Variants in NRG3 observed in about 807,000 individuals in gnomAD.
NRG3 encodes neuregulin 3.
Under a neutral mutation model 66.9 loss-of-function variants are expected in NRG3, and 31 were observed. The observed-to-expected ratio is 0.46, with a 90% CI of 0.35 to 0.63. NRG3 has a LOEUF of 0.63. Among genes scored for constraint, NRG3 ranks in the 20% least tolerant of loss-of-function variants. The pLI is 0.00. For synonymous variants in NRG3, 393 were observed against 359.4 expected, an observed-to-expected ratio of 1.09 and a Z score of -1.06; for missense variants, 910 against 878.9, an observed-to-expected ratio of 1.04 and a Z score of -0.45.
At chr10:82,749,974 T>A (rs915450205) in intron 3 of NRG3, among the ~76,000 whole-genome samples, 1 of 152,174 alleles carries the variant, frequency 6.6e-6, no homozygotes, top group Non-Finnish European at 1.5e-5. Context: ...TAAATTTCAA[T>A]CACATCTAAT....
intron 4 of NRG3, among the ~76,000 whole-genome samples, chr10:82,950,976 A>T (rs1326186744): frequency 6.6e-6 from 1 of 151,700 alleles, no homozygotes; most frequent in Non-Finnish European, 1.5e-5. Context: ...TTTTTTCTTC[A>T]TGAGTGATGT....
At chr10:82,637,528 T>C (rs1206787408) in intron 2 of NRG3, among the ~76,000 whole-genome samples, 1 of 152,152 alleles carries the variant, frequency 6.6e-6, no homozygotes, top group Non-Finnish European at 1.5e-5. Context: ...TCAAGTCCCA[T>C]AGGATATAAT....
chr10:82,013,271 A>G (rs2061652010), intron 1 of NRG3, among the ~76,000 whole-genome samples: 1 of 152,126 alleles, frequency 6.6e-6, no homozygotes, highest in Non-Finnish European at 1.5e-5. Context: ...TGTGAGATTT[A>G]TTGACTATCA....
chr10:82,283,785 C>T (rs938360896), intron 1 of NRG3, among the ~76,000 whole-genome samples: 8 of 152,240 alleles, frequency 5.3e-5, no homozygotes, highest in East Asian at 1.9e-4. Context: ...TTCTGCATCT[C>T]GAGTCCCAAT....
At chr10:82,540,481 A>C (rs1282736806) in intron 2 of NRG3, among the ~76,000 whole-genome samples, 1 of 151,658 alleles carries the variant, frequency 6.6e-6, no homozygotes, top group African/African-American at 2.4e-5. Flanking sequence ...AGTGTGTGTA[A>C]AGATGTGAGT....
rs544631822 is a variant in NRG3, at chr10:82,590,067, G to A, written c.954-148510G>A. ...GGGTTGTTTTTCAATACTTTAATGA[G>A]AACTAAAGCTTCTGAAGGAGTCTTG... On this transcript the variant is annotated intron_variant, in intron 2 of 8. Transcript: ENST00000372141. Among the ~76,000 whole-genome samples, 12 of 152,202 alleles carry A rather than the reference G, an allele frequency of 7.9e-5. No homozygotes were observed. In the South Asian group the frequency reaches 2.5e-3, roughly 32 times the overall value.
At chr10:82,118,651 T>G (rs980758453) in intron 1 of NRG3, among the ~76,000 whole-genome samples, 2 of 152,182 alleles carry the variant, frequency 1.3e-5, no homozygotes, top group African/African-American at 4.8e-5. Context: ...AAATTTTCGC[T>G]ACCTTGCTTT....
At chr10:81,886,181 C>CA (rs1842599493) in intron 1 of NRG3, among the ~76,000 whole-genome samples, 2 of 152,144 alleles carry the variant, frequency 1.3e-5, no homozygotes, top group African/African-American at 4.8e-5. Context: ...AATTAAAAAA[C>CA]AAAAACAAAA....
At chr10:82,490,147 AACTCCCAC>A (rs1355996054) in intron 2 of NRG3, among the ~76,000 whole-genome samples, 9 of 152,144 alleles carry the variant, frequency 5.9e-5, no homozygotes, top group Non-Finnish European at 8.8e-5. Context: ...ATCTGACCCA[AACTCCCAC>A]ACCAGCAGCC....
intron 1 of NRG3, among the ~76,000 whole-genome samples, chr10:82,137,136 TC>T (rs1399318004): frequency 6.6e-6 from 1 of 152,176 alleles, no homozygotes; most frequent in African/African-American, 2.4e-5. Flanking sequence ...GTCATCTTGT[TC>T]CCCCTCCCTA....
chr10:82,492,157 TA>T (rs1189322307), intron 2 of NRG3, among the ~76,000 whole-genome samples: 1 of 152,184 alleles, frequency 6.6e-6, no homozygotes, highest in Non-Finnish European at 1.5e-5. Context: ...CCATCACTTC[TA>T]AAACTCTTGA....
chr10:82,225,941 G>A (rs554973433), intron 1 of NRG3, among the ~76,000 whole-genome samples: 1 of 151,904 alleles, frequency 6.6e-6, no homozygotes, highest in Non-Finnish European at 1.5e-5. Flanking sequence ...CTCCATACCC[G>A]TTTCTTCTAC....
intron 3 of NRG3, among the ~76,000 whole-genome samples, chr10:82,861,655 G>A (rs1175308147): frequency 6.6e-6 from 1 of 152,208 alleles, no homozygotes; most frequent in East Asian, 1.9e-4. Flanking sequence ...AGAAAGCCAT[G>A]CCTGAGTTGC....
chr10:82,233,479 T>G (rs1249210186), intron 1 of NRG3, among the ~76,000 whole-genome samples: 1 of 152,192 alleles, frequency 6.6e-6, no homozygotes, highest in Non-Finnish European at 1.5e-5. Flanking sequence ...TACAGAAAAT[T>G]TAAATATACA....
chr10:82,898,182 T>C (rs1167639753), intron 4 of NRG3, among the ~76,000 whole-genome samples: 2 of 152,148 alleles, frequency 1.3e-5, no homozygotes, highest in African/African-American at 4.8e-5. Flanking sequence ...CAACCCTGAG[T>C]CTGTCCACAC....
intron 3 of NRG3, among the ~76,000 whole-genome samples, chr10:82,764,440 C>T (rs573297200): frequency 6.7e-6 from 1 of 148,680 alleles, no homozygotes; most frequent in East Asian, 2.0e-4. Flanking sequence ...GGTGCAATCT[C>T]GGCTCACTGC....
At chr10:82,450,218 C>G (rs1300700321) in intron 2 of NRG3, among the ~76,000 whole-genome samples, 5 of 152,120 alleles carry the variant, frequency 3.3e-5, no homozygotes, top group Non-Finnish European at 5.9e-5. Flanking sequence ...TTAATTACCC[C>G]CATGGGCCTC....
chr10:82,666,528 A>T (rs1048886251), intron 2 of NRG3, among the ~76,000 whole-genome samples: 3 of 152,144 alleles, frequency 2.0e-5, no homozygotes, highest in Admixed American at 6.5e-5. Context: ...TCTAAAAAAA[A>T]TTGATTTTCT....
chr10:82,347,623 G>C (rs1304754695), intron 1 of NRG3, among the ~76,000 whole-genome samples: 1 of 151,974 alleles, frequency 6.6e-6, no homozygotes, highest in Admixed American at 6.6e-5. Flanking sequence ...GGGTATCCTT[G>C]TTGACTTTCT....
Sources: gnomAD v4.1 joint callset for allele counts (sites outside exome capture counted in the v4.1 genomes callset) on GRCh38, gnomAD v4.1.1 for gene constraint, MANE v1.5 for transcripts, NCBI Gene and HGNC (gene_info 2026-07-23, HGNC 2026-07-21) for gene names.